WDR27: variants seen among roughly 807,000 people sequenced by gnomAD.
The protein encoded by WDR27 is WD repeat-containing protein 27.
In WDR27, 100 loss-of-function variants were observed where a neutral mutation model predicts 114.4. That is an observed-to-expected ratio of 0.87 (90% CI 0.74 to 1.03). WDR27 has a LOEUF of 1.03. Among genes scored for constraint, WDR27 ranks in the 50% least tolerant of loss-of-function variants. The pLI, the probability that WDR27 is intolerant of heterozygous loss-of-function variation, is 0.00. For synonymous variants in WDR27, 449 were observed against 423.1 expected, an observed-to-expected ratio of 1.06 and a Z score of -0.75; for missense variants, 1,129 against 1,092.9, an observed-to-expected ratio of 1.03 and a Z score of -0.47.
In WDR27 at chr6:169,459,228, T is replaced by C. The variant is rs574895594; in HGVS notation, c.2646-1594A>G. On this transcript the variant is annotated intron_variant, in intron 25 of 25. Coordinates refer to ENST00000448612, the MANE Select transcript of WDR27 (RefSeq NM_182552.5). ...GATGTGGATAAAGTGAGGAAAATTATGTATGAACAAAATGGAAATATCAAT... is the reference window on the plus strand; with the variant it reads ...GATGTGGATAAAGTGAGGAAAATTACGTATGAACAAAATGGAAATATCAAT... Among the ~76,000 whole-genome samples the C allele has an allele frequency of 1.3e-3, 197 of 152,270 alleles. 1 individual carries two copies. Among genetic ancestry groups the C allele is most frequent in the African/African-American group, 4.6e-3 (193 of 41,556 alleles).
At chr6:169,504,696 T>C (rs1283354532) in intron 25 of WDR27, among the ~76,000 whole-genome samples, 1 of 152,028 alleles carries the variant, frequency 6.6e-6, no homozygotes, top group Non-Finnish European at 1.5e-5. Flanking sequence ...GCAGCTTCAA[T>C]CTCCCAGGCT....
chr6:169,697,303 C>T (rs1786392270), intron 1 of WDR27, among the ~76,000 whole-genome samples: 2 of 152,196 alleles, frequency 1.3e-5, no homozygotes, highest in Admixed American at 1.3e-4. Context: ...ACAGGACCAC[C>T]AGAGGGCTCC....
chr6:169,454,041 TTAA>T, downstream of WDR27, among the ~76,000 whole-genome samples: 2 of 152,242 alleles, frequency 1.3e-5, no homozygotes, highest in South Asian at 4.2e-4. Flanking sequence ...AAAAATAAAA[TTAA>T]GTTGGGAACA....
chr6:169,589,047 T>G (rs1449256340), intron 23 of WDR27, among the ~76,000 whole-genome samples: 1 of 152,196 alleles, frequency 6.6e-6, no homozygotes, highest in African/African-American at 2.4e-5. Flanking sequence ...CATCCTCAAA[T>G]TCCCTCTAAT....
chr6:169,592,559 CTTAA>C (rs1291993464), intron 23 of WDR27, among the ~76,000 whole-genome samples: 2 of 152,112 alleles, frequency 1.3e-5, no homozygotes, highest in African/African-American at 2.4e-5. Context: ...TAATCTTTCA[CTTAA>C]TTATTTTATT....
intron 25 of WDR27, among the ~76,000 whole-genome samples, chr6:169,502,595 C>G (rs1463924382): frequency 6.6e-6 from 1 of 152,128 alleles, no homozygotes; most frequent in Non-Finnish European, 1.5e-5. Flanking sequence ...GCTTCCCGGC[C>G]GACCCCGATC....
At chr6:169,620,679 C>T (rs1385843663) in intron 21 of WDR27, among the ~76,000 whole-genome samples, 1 of 152,160 alleles carries the variant, frequency 6.6e-6, no homozygotes, top group Non-Finnish European at 1.5e-5. Flanking sequence ...CAAGCGGTGC[C>T]CCGACCACCA....
chr6:169,585,368 T>G (rs961460856), intron 23 of WDR27, among the ~76,000 whole-genome samples: 1 of 152,168 alleles, frequency 6.6e-6, no homozygotes, highest in African/African-American at 2.4e-5. Flanking sequence ...TAAGAATGAG[T>G]CCTTCAGATG....
intron 25 of WDR27, among the ~76,000 whole-genome samples, chr6:169,551,757 A>AG (rs1798155975): frequency 2.9e-5 from 1 of 34,112 alleles, no homozygotes. Context: ...AAAAAAAAAG[A>AG]AAAAGAAAAG....
chr6:169,567,175 G>C (rs1026749241), intron 25 of WDR27, among the ~76,000 whole-genome samples: 1 of 152,202 alleles, frequency 6.6e-6, no homozygotes, highest in African/African-American at 2.4e-5. Flanking sequence ...GGTGCTGCTG[G>C]GGAGGACCCG....
chr6:169,471,773 A>G (rs536270986), intron 25 of WDR27, among the ~76,000 whole-genome samples: 121 of 152,346 alleles, frequency 7.9e-4, no homozygotes, highest in African/African-American at 2.7e-3. Context: ...GCTATAAAAA[A>G]TACCTTAGAC....
Position 169,659,311 on chromosome 6 carries a change from G to C in WDR27, c.1198-104C>G. ...TAACAGCTGCTTCATTCTCATAGCA[G>C]CGACATCGCCCTGTCACTCCTAAAA... On this transcript the variant is annotated intron_variant, in intron 11 of 25. Coordinates refer to ENST00000448612, the MANE Select transcript of WDR27 (RefSeq NM_182552.5). The surrounding 1 kb of genome is among the most constrained non-coding windows in gnomAD (Gnocchi z 4.3). The C allele has an allele frequency of 6.4e-7, 1 of 1,557,212 alleles. No homozygotes were observed. The highest frequency in any genetic ancestry group is 8.7e-7 in the Non-Finnish European group (1 of 1,146,904).
chr6:169,653,579 T>G (rs899097066), intron 13 of WDR27, among the ~76,000 whole-genome samples: 1 of 152,226 alleles, frequency 6.6e-6, no homozygotes, highest in Non-Finnish European at 1.5e-5. Flanking sequence ...CATAGGACTT[T>G]TTCAATTTTT....
At chr6:169,559,648 A>G (rs1467470861) in intron 25 of WDR27, 3 of 152,222 alleles carry the variant, frequency 2.0e-5, no homozygotes, top group African/African-American at 7.2e-5. Context: ...CCGAGTGTCC[A>G]TAGTAAGAAA....
At chr6:169,511,718 T>TATATC (rs1792915979) in intron 25 of WDR27, among the ~76,000 whole-genome samples, 1 of 152,176 alleles carries the variant, frequency 6.6e-6, no homozygotes, top group African/African-American at 2.4e-5. Context: ...TTGCCAACTC[T>TATATC]TGCTCTAGAT....
In WDR27 at chr6:169,701,936, C is replaced by G. The variant is rs866657483; in HGVS notation, c.-393G>C. ...GGGGAGGACTCACAGCACCCAGCTC[C>G]CAGGAGGGCACGCAGAGGACTACCG... On this transcript the variant is annotated 5_prime_UTR_variant, in exon 1 of 26. Coordinates refer to ENST00000448612, the MANE Select transcript of WDR27 (RefSeq NM_182552.5). 40 of 367,618 alleles carry G rather than the reference C, an allele frequency of 1.1e-4. No individual in the cohort carries two copies. Among genetic ancestry groups the G allele is most frequent in the African/African-American group, 8.3e-4 (39 of 46,792 alleles). The allele number at this position is 367,618 out of a possible 1,614,324, so 22.8% of individuals were successfully genotyped here.
intron 25 of WDR27, among the ~76,000 whole-genome samples, chr6:169,509,981 G>A (rs1464111844): frequency 6.6e-6 from 1 of 152,222 alleles, no homozygotes; most frequent in Admixed American, 6.5e-5. Context: ...GATATGAACA[G>A]ATACTTTTCA....
intron 25 of WDR27, among the ~76,000 whole-genome samples, chr6:169,517,047 C>T (rs1933424181): frequency 6.6e-6 from 1 of 151,994 alleles, no homozygotes; most frequent in Non-Finnish European, 1.5e-5. Context: ...ATGTAATCTC[C>T]AATGTTGGAG....
At chr6:169,539,248 T>G (rs1283751218) in intron 25 of WDR27, among the ~76,000 whole-genome samples, 1 of 152,158 alleles carries the variant, frequency 6.6e-6, no homozygotes, top group Non-Finnish European at 1.5e-5. Flanking sequence ...GAACTGGACC[T>G]CCACATCCTT....
Sources: allele counts gnomAD v4.1 joint callset (sites outside exome capture counted in the v4.1 genomes callset), GRCh38; gene constraint gnomAD v4.1.1; non-coding constraint Gnocchi (gnomAD v3.1); transcripts MANE v1.5; gene names NCBI Gene and HGNC (gene_info 2026-07-23, HGNC 2026-07-21).